The following FOXP1 variants were observed in gnomAD, a reference collection of about 807,000 sequenced individuals.
The protein encoded by FOXP1 is forkhead box P1.
In FOXP1, 15 loss-of-function variants were observed where a neutral mutation model predicts 98.2. That is an observed-to-expected ratio of 0.15 (90% confidence interval 0.10 to 0.24). FOXP1 has a LOEUF of 0.24. Ranked by LOEUF, FOXP1 falls within the 10% of genes least tolerant of loss-of-function variation. The pLI is 1.00. For missense variants in FOXP1, 633 were observed against 848.5 expected, an observed-to-expected ratio of 0.75 and a Z score of 3.15; for synonymous variants, 371 against 314.5, an observed-to-expected ratio of 1.18 and a Z score of -1.90.
At chr3:70,977,119 T>TA (rs1301611167) in intron 16 of FOXP1, 77 bp from the exon 17 acceptor site, 1 of 973,700 alleles carries the variant, frequency 1.0e-6, no homozygotes, top group Non-Finnish European at 1.7e-6. Flanking sequence ...CTCGAAAATA[T>TA]AAAATCACTG....
chr3:71,463,248 C>T (rs1222365261), intron 3 of FOXP1, among the ~76,000 whole-genome samples: 1 of 151,686 alleles, frequency 6.6e-6, no homozygotes, highest in African/African-American at 2.4e-5. Context: ...CCTATAATCC[C>T]AGCTACTCAG....
intron 5 of FOXP1, among the ~76,000 whole-genome samples, chr3:71,242,223 G>C (rs538665594): frequency 6.6e-6 from 1 of 152,112 alleles, no homozygotes; most frequent in Non-Finnish European, 1.5e-5. Context: ...AAAGACATTC[G>C]TGTTCAAATC....
chr3:70,992,743 C>CT (rs1211929168), intron 13 of FOXP1, among the ~76,000 whole-genome samples: 3 of 152,162 alleles, frequency 2.0e-5, no homozygotes, highest in Non-Finnish European at 2.9e-5. Context: ...AAGTCATAGT[C>CT]TAGGAATTCT....
rs1406340017 is a variant in FOXP1 at position 71,072,677 on chromosome 3, A to G, written c.283-18904T>C. Reference sequence around the variant, plus strand: ...GACTTTTTCATCCTCTTCCTTAACCACTTTGGTTCTTTTATTTCAACCATG... The same window carrying G: ...GACTTTTTCATCCTCTTCCTTAACCGCTTTGGTTCTTTTATTTCAACCATG... On this transcript the variant is annotated intron_variant, in intron 7 of 20. Transcript: ENST00000649528. Among the ~76,000 whole-genome samples, 4 of 152,196 alleles carry G rather than the reference A, an allele frequency of 2.6e-5. No individual in the cohort carries two copies. In the East Asian group the frequency reaches 7.7e-4, roughly 29 times the overall value.
chr3:71,096,379 A>C (rs2056457340), intron 7 of FOXP1, among the ~76,000 whole-genome samples: 1 of 152,170 alleles, frequency 6.6e-6, no homozygotes, highest in Admixed American at 6.5e-5. Flanking sequence ...TCCGGAGCCT[A>C]ACTGTGAGTT....
intron 12 of FOXP1, among the ~76,000 whole-genome samples, chr3:71,007,573 T>G (rs556703329): frequency 6.6e-6 from 1 of 152,298 alleles, no homozygotes; most frequent in Non-Finnish European, 1.5e-5. Context: ...GTTAACACCT[T>G]TGTGATCCAC....
At position 71,223,491 on chromosome 3, in the gene FOXP1, C is replaced by T. The variant is rs568583165; in HGVS notation, c.-11-25099G>A. On this transcript the variant is annotated intron_variant, in intron 5 of 20. Coordinates refer to ENST00000649528, the MANE Select transcript of FOXP1 (RefSeq NM_001349338.3). ...TGGGTGGATCACAAGGTCAGGAGATCGAGACCATCCTGGCTAATATGATGA... is the reference window on the plus strand; with the variant it reads ...TGGGTGGATCACAAGGTCAGGAGATTGAGACCATCCTGGCTAATATGATGA... 1.4e-4 allele frequency among the ~76,000 whole-genome samples: 22 copies of T among 152,020 alleles called. No individual in the cohort carries two copies. The South Asian group carries it at 2.1e-3, about 14-fold the overall frequency.
At chr3:71,459,435 T>A (rs2087808215) in intron 3 of FOXP1, among the ~76,000 whole-genome samples, 1 of 152,216 alleles carries the variant, frequency 6.6e-6, no homozygotes, top group Non-Finnish European at 1.5e-5. Context: ...AGTATTTAAA[T>A]ACTGAAAAAG....
At chr3:71,572,242 A>T (rs1254188764) in intron 2 of FOXP1, 1 of 152,042 alleles carries the variant, frequency 6.6e-6, no homozygotes, top group African/African-American at 2.4e-5. Context: ...TTGATAGATT[A>T]TTTTTTTTAA....
intron 11 of FOXP1, among the ~76,000 whole-genome samples, chr3:71,024,296 T>C (rs2045835023): frequency 1.3e-5 from 2 of 152,202 alleles, no homozygotes; most frequent in Admixed American, 1.3e-4. Flanking sequence ...ATGGGCTTCT[T>C]ATTTCACACC....
intron 11 of FOXP1, among the ~76,000 whole-genome samples, chr3:71,038,340 G>C (rs777908970): frequency 2.0e-5 from 3 of 152,202 alleles, no homozygotes; most frequent in Non-Finnish European, 4.4e-5. Flanking sequence ...TAGTTATTCA[G>C]TGTGGCAGAG....
intron 3 of FOXP1, among the ~76,000 whole-genome samples, chr3:71,471,498 A>G (rs1422903422): frequency 6.6e-6 from 1 of 152,202 alleles, no homozygotes; most frequent in Non-Finnish European, 1.5e-5. Context: ...GTACAAACGA[A>G]TGTTTTGAGT....
At chr3:70,965,786 T>C in intron 20 of FOXP1, 104 bp downstream of exon 20, 1 of 1,190,816 alleles carries the variant, frequency 8.4e-7, no homozygotes, top group Non-Finnish European at 1.3e-6. Context: ...AAATCAGAAA[T>C]TACAGAAAAG....
At chr3:71,581,876 C>CAAGG in intron 1 of FOXP1, 179 bp from the exon 2 acceptor site, 1 of 984,994 alleles carries the variant, frequency 1.0e-6, no homozygotes, top group Non-Finnish European at 1.2e-6. Flanking sequence ...GGAATCCCTG[C>CAAGG]AAGGATCCAG....
intron 2 of FOXP1, among the ~76,000 whole-genome samples, chr3:71,530,226 C>A (rs2083963458): frequency 6.6e-6 from 1 of 152,162 alleles, no homozygotes. Flanking sequence ...GTCATCAGGC[C>A]TCTGCCCCCA....
intron 6 of FOXP1, among the ~76,000 whole-genome samples, chr3:71,149,977 C>G (rs528209628): frequency 6.6e-6 from 1 of 152,236 alleles, no homozygotes; most frequent in Non-Finnish European, 1.5e-5. Flanking sequence ...CATCTTGATA[C>G]ACAGTCTAAT....
intron 2 of FOXP1, among the ~76,000 whole-genome samples, chr3:71,514,804 G>A (rs865914982): frequency 9.8e-5 from 15 of 152,332 alleles, no homozygotes; most frequent in South Asian, 8.3e-4. Flanking sequence ...ACTGGGCCCA[G>A]TCACAACCTC....
chr3:71,370,804 T>TG (rs2079250474), intron 3 of FOXP1, among the ~76,000 whole-genome samples: 2 of 149,902 alleles, frequency 1.3e-5, no homozygotes, highest in South Asian at 2.1e-4. Context: ...TGTTGTTTTT[T>TG]TTTTTTTTTT....
chr3:71,008,344 T>G (rs967174968), intron 12 of FOXP1, among the ~76,000 whole-genome samples: 3 of 152,106 alleles, frequency 2.0e-5, no homozygotes, highest in African/African-American at 4.8e-5. Context: ...GAAGATTGTG[T>G]CTTTCACCTG....
Sources: gnomAD v4.1 joint callset for allele counts (sites outside exome capture counted in the v4.1 genomes callset) on GRCh38, gnomAD v4.1.1 for gene constraint, MANE v1.5 for transcripts, NCBI Gene and HGNC (gene_info 2026-07-23, HGNC 2026-07-21) for gene names.